The following INTS9 variants were observed in gnomAD, a reference collection of about 807,000 sequenced individuals.
The protein encoded by INTS9 is protein related to CPSF subunits of 74 kDa.
In INTS9, 55 loss-of-function variants were observed where a neutral mutation model predicts 79.7. That is an observed-to-expected ratio of 0.69 (90% CI 0.56 to 0.86). The LOEUF (loss-of-function observed/expected upper bound fraction) is 0.86, where lower values mean the gene tolerates loss of function less well. Ranked by LOEUF, INTS9 falls within the 40% of genes least tolerant of loss-of-function variation. INTS9 has a pLI of 0.00. For missense variants in INTS9, 721 were observed against 831.5 expected (o/e 0.87, Z 1.64); for synonymous variants, 319 against 325.2 (o/e 0.98, Z 0.20).
intron 1 of INTS9, among the ~76,000 whole-genome samples, chr8:28,883,536 G>A (rs1810008978): frequency 6.6e-6 from 1 of 152,202 alleles, no homozygotes; most frequent in African/African-American, 2.4e-5. Flanking sequence ...AAACTAGTGA[G>A]CAATTTGGCC....
chr8:28,770,256 C>T (rs969872534), intron 15 of INTS9, among the ~76,000 whole-genome samples: 7 of 152,362 alleles, frequency 4.6e-5, no homozygotes, highest in African/African-American at 1.7e-4. Context: ...AAGATCTCTG[C>T]CTTCTATCAA....
chr8:28,775,391 C>T (rs1368677548), intron 14 of INTS9, among the ~76,000 whole-genome samples: 1 of 152,220 alleles, frequency 6.6e-6, no homozygotes, highest in Admixed American at 6.5e-5. Context: ...GGCTGGAGTG[C>T]AGTGGTGTGA....
At chr8:28,813,457 T>C (rs1654757173) in intron 7 of INTS9, 35 bp downstream of exon 7, 5 of 1,597,720 alleles carry the variant, frequency 3.1e-6, no homozygotes, top group Non-Finnish European at 3.4e-6. Flanking sequence ...ATGGAAAGCA[T>C]TCATGAATAA....
intron 6 of INTS9, among the ~76,000 whole-genome samples, chr8:28,816,105 G>A (rs1271638399): frequency 6.6e-6 from 1 of 151,054 alleles, no homozygotes. Flanking sequence ...GCATGCCAAG[G>A]ACTATATATC....
intron 8 of INTS9, among the ~76,000 whole-genome samples, chr8:28,811,522 A>G (rs577789646): frequency 6.6e-6 from 1 of 152,108 alleles, no homozygotes; most frequent in South Asian, 2.1e-4. Flanking sequence ...CCCAGGCTCA[A>G]GCGATCCTTC....
intron 12 of INTS9, chr8:28,780,339 C>T (rs1803181758): frequency 2.0e-6 from 2 of 981,404 alleles, no homozygotes; most frequent in African/African-American, 1.8e-5. Flanking sequence ...AAGGGCTGGG[C>T]ACGCTACACT....
chr8:28,864,496 C>A (rs1263450034), intron 1 of INTS9, among the ~76,000 whole-genome samples: 1 of 152,064 alleles, frequency 6.6e-6, no homozygotes, highest in African/African-American at 2.4e-5. Context: ...TTTTAAAAGT[C>A]AAATAATTCA....
At chr8:28,875,150 T>C (rs907312163) in intron 1 of INTS9, among the ~76,000 whole-genome samples, 3 of 152,168 alleles carry the variant, frequency 2.0e-5, no homozygotes, top group Non-Finnish European at 4.4e-5. Flanking sequence ...GTGGGGATTA[T>C]GGGAGCTACA....
intron 11 of INTS9, among the ~76,000 whole-genome samples, chr8:28,786,242 G>A (rs1238084117): frequency 1.3e-5 from 2 of 151,980 alleles, no homozygotes; most frequent in Non-Finnish European, 2.9e-5. Flanking sequence ...TATTGTTGAT[G>A]GGAATTTGAG....
intron 1 of INTS9, among the ~76,000 whole-genome samples, chr8:28,874,160 C>T (rs780040834): frequency 1.3e-5 from 2 of 152,162 alleles, no homozygotes; most frequent in Non-Finnish European, 2.9e-5. Flanking sequence ...GCAATGAAGT[C>T]ATACTTTCTG....
intron 11 of INTS9, among the ~76,000 whole-genome samples, chr8:28,782,145 T>A (rs2130900916): frequency 6.6e-6 from 1 of 152,364 alleles, no homozygotes; most frequent in Middle Eastern, 3.4e-3. Context: ...GTGGAACACA[T>A]GGGCAAGTCA....
chr8:28,819,543 T>A (rs1230318688), intron 6 of INTS9, among the ~76,000 whole-genome samples: 1 of 152,250 alleles, frequency 6.6e-6, no homozygotes, highest in Non-Finnish European at 1.5e-5. Context: ...TCTGATCTTT[T>A]ACATTTGCTG....
chr8:28,776,837 G>T (rs1802917396), intron 13 of INTS9, among the ~76,000 whole-genome samples: 1 of 152,152 alleles, frequency 6.6e-6, no homozygotes, highest in Non-Finnish European at 1.5e-5. Flanking sequence ...TGACAGAGGG[G>T]CGTCAAGAGC....
At chr8:28,781,671 C>T (rs991616597) in intron 11 of INTS9, among the ~76,000 whole-genome samples, 8 of 152,142 alleles carry the variant, frequency 5.3e-5, no homozygotes, top group South Asian at 2.1e-4. Context: ...AAGTGAAGGG[C>T]GCCACTCTGA....
intron 1 of INTS9, among the ~76,000 whole-genome samples, chr8:28,878,287 G>A (rs1342726237): frequency 6.6e-6 from 1 of 152,136 alleles, no homozygotes; most frequent in African/African-American, 2.4e-5. Context: ...GGAGGATAAA[G>A]ACTGAAAGAG....
intron 6 of INTS9, among the ~76,000 whole-genome samples, chr8:28,822,262 G>T (rs943276853): frequency 1.3e-5 from 2 of 152,086 alleles, no homozygotes; most frequent in Non-Finnish European, 2.9e-5. Context: ...GCATCTAATA[G>T]CAAGAGTTGC....
intron 1 of INTS9, among the ~76,000 whole-genome samples, chr8:28,887,050 G>T (rs557307889): frequency 2.0e-5 from 3 of 152,154 alleles, no homozygotes; most frequent in African/African-American, 7.2e-5. Context: ...GGGGAGGACA[G>T]ACACACGCCA....
chr8:28,803,502 C>T (rs1209487367), intron 8 of INTS9, among the ~76,000 whole-genome samples: 1 of 152,146 alleles, frequency 6.6e-6, no homozygotes, highest in Non-Finnish European at 1.5e-5. Flanking sequence ...GGCCCTTTTT[C>T]TGGGCAGACT....
chr8:28,798,652 C>A (rs1240353737), intron 8 of INTS9: 1 of 152,148 alleles, frequency 6.6e-6, no homozygotes, highest in Non-Finnish European at 1.5e-5. Flanking sequence ...GTGCTCATCA[C>A]CAAGCCCGGC....
Sources: allele counts gnomAD v4.1 joint callset (sites outside exome capture counted in the v4.1 genomes callset), GRCh38; gene constraint gnomAD v4.1.1; transcripts MANE v1.5; gene names NCBI Gene and HGNC (gene_info 2026-07-23, HGNC 2026-07-21).